ATRNL1: variants seen among roughly 807,000 people sequenced by gnomAD.
ATRNL1 encodes attractin like 1, also known as attractin-like protein 1.
ATRNL1 carries 95 observed loss-of-function variants against 182.7 expected under a neutral mutation model. The observed-to-expected ratio is 0.52, with a 90% confidence interval of 0.44 to 0.62. The LOEUF (loss-of-function observed/expected upper bound fraction) is 0.62. Ranked by LOEUF, ATRNL1 falls within the 20% of genes least tolerant of loss-of-function variation. ATRNL1 has a pLI of 0.00. For synonymous variants in ATRNL1, 576 were observed against 568.3 expected (o/e 1.01, Z -0.19); for missense variants, 1,471 against 1,679.5 (o/e 0.88, Z 2.17).
intron 27 of ATRNL1, among the ~76,000 whole-genome samples, chr10:115,845,790 C>T (rs1365604152): frequency 6.6e-6 from 1 of 151,766 alleles, no homozygotes; most frequent in Non-Finnish European, 1.5e-5. Flanking sequence ...AAAGCTTGCC[C>T]GTTGGTAGAA....
At chr10:115,348,511 G>C (rs1245789538) in intron 19 of ATRNL1, among the ~76,000 whole-genome samples, 2 of 151,844 alleles carry the variant, frequency 1.3e-5, no homozygotes, top group African/African-American at 2.4e-5. Context: ...TATTATTTTT[G>C]TCATATTATT....
intron 13 of ATRNL1, among the ~76,000 whole-genome samples, chr10:115,276,243 G>A (rs563688135): frequency 3.3e-5 from 5 of 152,028 alleles, no homozygotes; most frequent in South Asian, 2.1e-4. Flanking sequence ...ATTAAATTAC[G>A]TCCCAAAAGT....
intron 28 of ATRNL1, among the ~76,000 whole-genome samples, chr10:115,849,150 T>C (rs1950996747): frequency 6.6e-6 from 1 of 152,204 alleles, no homozygotes; most frequent in Non-Finnish European, 1.5e-5. Flanking sequence ...GATGATATCT[T>C]ATTGCAGAAA....
intron 19 of ATRNL1, among the ~76,000 whole-genome samples, chr10:115,391,022 G>A (rs1037250109): frequency 2.0e-5 from 3 of 152,224 alleles, no homozygotes; most frequent in East Asian, 1.9e-4. Flanking sequence ...CTGAACTTCT[G>A]TATCAGTTCT....
At chr10:115,142,796 G>T (rs1344398695) in intron 5 of ATRNL1, among the ~76,000 whole-genome samples, 1 of 152,128 alleles carries the variant, frequency 6.6e-6, no homozygotes, top group Non-Finnish European at 1.5e-5. Context: ...TACTGAATGT[G>T]ATTTTAATGC....
At chr10:115,806,071 G>A (rs567627517) in intron 27 of ATRNL1, among the ~76,000 whole-genome samples, 10 of 152,186 alleles carry the variant, frequency 6.6e-5, no homozygotes, top group Admixed American at 6.5e-4. Flanking sequence ...ACCTGTAGAT[G>A]GGAATATAGT....
chr10:115,365,310 A>G (rs1213947835), intron 19 of ATRNL1, among the ~76,000 whole-genome samples: 1 of 151,482 alleles, frequency 6.6e-6, no homozygotes, highest in Non-Finnish European at 1.5e-5. Flanking sequence ...ATTTGCATAG[A>G]GGTGTTTGTA....
At chr10:115,878,862 C>G (rs1951757987) in intron 28 of ATRNL1, among the ~76,000 whole-genome samples, 1 of 152,176 alleles carries the variant, frequency 6.6e-6, no homozygotes, top group Middle Eastern at 3.4e-3. Context: ...TCCTGACCCC[C>G]TAAATATTGA....
intron 8 of ATRNL1, among the ~76,000 whole-genome samples, chr10:115,199,237 A>T (rs530712318): frequency 4.6e-5 from 7 of 151,832 alleles, no homozygotes; most frequent in Non-Finnish European, 1.0e-4. Context: ...ACATTTATTT[A>T]TTTATTTCAA....
chr10:115,118,360 A>G (rs1037042867), intron 1 of ATRNL1, among the ~76,000 whole-genome samples: 4 of 152,040 alleles, frequency 2.6e-5, no homozygotes, highest in Non-Finnish European at 2.9e-5. Flanking sequence ...TAGACATTTT[A>G]TTTGAAAATT....
intron 26 of ATRNL1, among the ~76,000 whole-genome samples, chr10:115,586,546 C>T (rs1347197102): frequency 2.0e-5 from 2 of 98,492 alleles, no homozygotes; most frequent in African/African-American, 5.7e-5. Flanking sequence ...TTGTTCGCAT[C>T]GGCTCCTGAG....
In ATRNL1 at chr10:115,174,960, T is replaced by G. The variant is rs193166915; in HGVS notation, c.1348+3668T>G. Among the ~76,000 whole-genome samples the G allele has an allele frequency of 9.2e-5, 14 of 152,136 alleles. No individual in the cohort carries two copies. The East Asian group carries it at 2.3e-3, about 25-fold the overall frequency. ...CCAGGGGGAATAGTTGTTTCGTATATGTGGAACCAAGGCTGAAATAGATGC... is the reference window on the plus strand; with the variant it reads ...CCAGGGGGAATAGTTGTTTCGTATAGGTGGAACCAAGGCTGAAATAGATGC... On this transcript the variant is annotated intron_variant, in intron 8 of 28. Coordinates refer to ENST00000355044, the MANE Select transcript of ATRNL1 (RefSeq NM_207303.4).
intron 27 of ATRNL1, among the ~76,000 whole-genome samples, chr10:115,804,424 G>A (rs946071997): frequency 2.0e-5 from 3 of 152,054 alleles, no homozygotes; most frequent in Admixed American, 6.6e-5. Context: ...CTCATAAATG[G>A]CATTAGTGCC....
intron 24 of ATRNL1, among the ~76,000 whole-genome samples, chr10:115,479,281 T>C (rs1592715659): frequency 6.6e-6 from 1 of 151,630 alleles, no homozygotes; most frequent in East Asian, 1.9e-4. Context: ...TAGTCTTATA[T>C]CTATGAATGG....
intron 28 of ATRNL1, among the ~76,000 whole-genome samples, chr10:115,856,428 C>CAAAAAAAAAAAAAAA (rs572743389): frequency 0.017 from 374 of 22,528 alleles, 138 homozygotes; most frequent in Non-Finnish European, 0.023. Context: ...AGCTCCATCT[C>CAAAAAAAAAAAAAAA]AAAAAAAAAA....
rs181094675 is a variant in ATRNL1, at chr10:115,877,544, G to T, written c.4018+29553G>T. ...AAGCTTCATTTATTTGTATAAACAGGCAGATCAGAAATAGGTTAGTGACAA... is the reference window on the plus strand; with the variant it reads ...AAGCTTCATTTATTTGTATAAACAGTCAGATCAGAAATAGGTTAGTGACAA... On this transcript the variant is annotated intron_variant, in intron 28 of 28. Coordinates refer to ENST00000355044, the MANE Select transcript of ATRNL1 (RefSeq NM_207303.4). 3.2e-3 allele frequency among the ~76,000 whole-genome samples: 490 copies of T among 152,276 alleles called. 4 individuals carry two copies. Among genetic ancestry groups the T allele is most frequent in the African/African-American group, 0.011 (459 of 41,562 alleles).
intron 27 of ATRNL1, among the ~76,000 whole-genome samples, chr10:115,783,841 C>T (rs943471598): frequency 8.6e-5 from 13 of 152,042 alleles, no homozygotes; most frequent in Non-Finnish European, 1.3e-4. Context: ...AGTGTAACCC[C>T]GTCTCTACTA....
At chr10:115,398,821 G>C (rs1462384177) in intron 20 of ATRNL1, among the ~76,000 whole-genome samples, 2 of 152,062 alleles carry the variant, frequency 1.3e-5, no homozygotes, top group Admixed American at 1.3e-4. Flanking sequence ...TGTGCATTCA[G>C]TATGATGTTG....
intron 21 of ATRNL1, among the ~76,000 whole-genome samples, chr10:115,460,712 T>G (rs1307988405): frequency 1.3e-5 from 2 of 152,186 alleles, no homozygotes; most frequent in African/African-American, 4.8e-5. Flanking sequence ...CTCTAAATGT[T>G]TCTTCTGAAA....
Sources: gnomAD v4.1 joint callset for allele counts (sites outside exome capture counted in the v4.1 genomes callset) on GRCh38, gnomAD v4.1.1 for gene constraint, MANE v1.5 for transcripts, NCBI Gene and HGNC (gene_info 2026-07-23, HGNC 2026-07-21) for gene names.